STS: variants seen among roughly 807,000 people sequenced by gnomAD.
STS encodes steroid sulfatase, also known as steryl-sulfatase.
STS carries 7 observed loss-of-function variants against 26.8 expected under a neutral mutation model. The ratio of observed to expected loss-of-function variants is 0.26; its 90% CI spans 0.15 to 0.49. The LOEUF is 0.49. Among genes scored for constraint, STS ranks in the 20% least tolerant of loss-of-function variants. The pLI is 0.98. For missense variants in STS, 434 were observed against 465.6 expected, an observed-to-expected ratio of 0.93 and a Z score of 0.63; for synonymous variants, 199 against 189.4, an observed-to-expected ratio of 1.05 and a Z score of -0.42.
intron 6 of STS, among the ~76,000 whole-genome samples, chrX:7,260,127 G>T (rs922199144): frequency 1.8e-5 from 2 of 112,133 alleles, no homozygotes; most frequent in African/African-American, 3.2e-5. Flanking sequence ...CGCCCGCCTC[G>T]GCCTCCCAAA....
rs1160956560 is a variant in STS at position 7,274,042 on chromosome X, GTGA to G, written c.807-1903_807-1901del. The stretch of plus-strand genomic sequence containing the variant: ...GGGGAAGTAAGTTTTAGGTTGAGAG[GTGA>G]TGATGTGCAGAGCATTGAGCTGTGA... On this transcript the variant is annotated intron_variant, in intron 6 of 10. Transcript: ENST00000674429. Among the ~76,000 whole-genome samples the G allele has an allele frequency of 5.4e-5, 6 of 111,192 alleles. No homozygotes were observed. In the East Asian group the frequency reaches 1.7e-3, roughly 32 times the overall value.
intron 2 of STS, among the ~76,000 whole-genome samples, chrX:7,243,726 G>A (rs1441361151): frequency 9.0e-5 from 10 of 111,604 alleles, no homozygotes; most frequent in African/African-American, 3.3e-4. Context: ...AGGGAGGGAG[G>A]TGAGAGGACT....
At chrX:7,257,432 C>G in intron 4 of STS, 34 bp from the exon 5 acceptor site, 4 of 1,212,316 alleles carry the variant, frequency 3.3e-6, no homozygotes, top group Non-Finnish European at 4.5e-6. Flanking sequence ...GAGGTATCTC[C>G]TGGTTCCTAA....
chrX:7,291,787 T>C (rs1424001410), intron 7 of STS, among the ~76,000 whole-genome samples: 1 of 108,495 alleles, frequency 9.2e-6, no homozygotes. Context: ...GTTGTCATAA[T>C]TTTTTTTTTA....
chrX:7,161,616 G>C (rs2146989357), intron 1 of STS, among the ~76,000 whole-genome samples: 1 of 112,029 alleles, frequency 8.9e-6, no homozygotes, highest in South Asian at 3.7e-4. Flanking sequence ...AATGAATTAA[G>C]ATGTCCAGTT....
At chrX:7,150,911 G>A (rs1443489160) in intron 1 of STS, among the ~76,000 whole-genome samples, 1 of 112,370 alleles carries the variant, frequency 8.9e-6, no homozygotes, top group African/African-American at 3.2e-5. Flanking sequence ...TGATGGGGAT[G>A]CATTTCCTTC....
At chrX:7,204,679 C>G (rs1569188259) in intron 2 of STS, among the ~76,000 whole-genome samples, 1 of 102,421 alleles carries the variant, frequency 9.8e-6, no homozygotes, top group Non-Finnish European at 2.0e-5. Flanking sequence ...CTTTTTTCCT[C>G]CTCACCTTTT....
At chrX:7,316,781 A>C (rs1361845544) in intron 8 of STS, among the ~76,000 whole-genome samples, 1 of 112,021 alleles carries the variant, frequency 8.9e-6, no homozygotes, top group African/African-American at 3.2e-5. Context: ...GGCATGAATA[A>C]ATCAAGGAGA....
chrX:7,346,080 T>C (rs138074132), intron 10 of STS, among the ~76,000 whole-genome samples: 6 of 111,840 alleles, frequency 5.4e-5, no homozygotes, highest in African/African-American at 1.9e-4. Flanking sequence ...TTTCTCTTTG[T>C]TCACAGCTTA....
chrX:7,349,315 C>CTTTTTT (rs1928669611), intron 10 of STS, among the ~76,000 whole-genome samples: 1 of 20,285 alleles, frequency 4.9e-5, no homozygotes, highest in Non-Finnish European at 9.1e-5. Context: ...TCATTTAATT[C>CTTTTTT]CTTTTTTTTT....
At chrX:7,279,290 A>ATATATAT (rs1402728154) in intron 7 of STS, among the ~76,000 whole-genome samples, 2 of 62,368 alleles carry the variant, frequency 3.2e-5, no homozygotes, top group African/African-American at 1.4e-4. Flanking sequence ...AAAAAAAAAA[A>ATATATAT]AAATATATAT....
intron 6 of STS, among the ~76,000 whole-genome samples, chrX:7,274,793 T>C (rs1443147901): frequency 8.9e-6 from 1 of 112,363 alleles, no homozygotes; most frequent in Admixed American, 9.4e-5. Flanking sequence ...ATTGAATGAA[T>C]GTTCTATTTA....
At chrX:7,274,931 G>T (rs1924458009) in intron 6 of STS, among the ~76,000 whole-genome samples, 1 of 111,842 alleles carries the variant, frequency 8.9e-6, no homozygotes, top group African/African-American at 3.3e-5. Context: ...GACAACTGAA[G>T]GTACACAATG....
At chrX:7,242,557 G>A (rs894072188) in intron 2 of STS, among the ~76,000 whole-genome samples, 4 of 109,703 alleles carry the variant, frequency 3.6e-5, no homozygotes, top group Non-Finnish European at 7.6e-5. Context: ...CCGTGATCAC[G>A]CCACTGCACT....
At chrX:7,331,024 C>T (rs1927717969) in intron 9 of STS, among the ~76,000 whole-genome samples, 1 of 111,346 alleles carries the variant, frequency 9.0e-6, no homozygotes, top group South Asian at 3.8e-4. Context: ...CTGTTAGTCT[C>T]CAAGACCTTA....
chrX:7,182,262 A>G (rs1201499138), intron 1 of STS, among the ~76,000 whole-genome samples: 12 of 111,102 alleles, frequency 1.1e-4, no homozygotes, highest in African/African-American at 3.9e-4. Context: ...AGGTAAAGCT[A>G]TTGCACATGT....
chrX:7,186,509 C>G (rs1017790926), intron 1 of STS, among the ~76,000 whole-genome samples: 6 of 111,377 alleles, frequency 5.4e-5, no homozygotes, highest in Admixed American at 9.5e-5. Flanking sequence ...GCTAATATCC[C>G]CCTGAGTCCT....
At chrX:7,201,074 GTAGA>G (rs1461305531) in intron 2 of STS, among the ~76,000 whole-genome samples, 1 of 111,003 alleles carries the variant, frequency 9.0e-6, no homozygotes, top group African/African-American at 3.3e-5. Flanking sequence ...GCATGGATAG[GTAGA>G]TGGATGGATA....
At chrX:7,189,598 C>T (rs1426706125) in intron 1 of STS, among the ~76,000 whole-genome samples, 1 of 111,684 alleles carries the variant, frequency 9.0e-6, no homozygotes, top group Non-Finnish European at 1.9e-5. Context: ...AACATGTAAA[C>T]ATTCTATGAA....
Sources: gnomAD v4.1 joint callset for allele counts (sites outside exome capture counted in the v4.1 genomes callset) on GRCh38, gnomAD v4.1.1 for gene constraint, MANE v1.5 for transcripts, NCBI Gene and HGNC (gene_info 2026-07-23, HGNC 2026-07-21) for gene names.